The following RAI14 variants were observed in gnomAD, a reference collection of about 807,000 sequenced individuals.
RAI14 encodes ankycorbin.
In RAI14, 45 loss-of-function variants were observed where a neutral mutation model predicts 115.4. The observed-to-expected ratio is 0.39, with a 90% CI of 0.31 to 0.50. RAI14 has a LOEUF of 0.50. Among genes scored for constraint, RAI14 ranks in the 20% least tolerant of loss-of-function variants. The pLI, the probability that RAI14 is intolerant of heterozygous loss-of-function variation, is 0.85. For missense variants in RAI14, 939 were observed against 1,131.2 expected (o/e 0.83, Z 2.44); for synonymous variants, 371 against 415.4 (o/e 0.89, Z 1.30).
At chr5:34,720,293 A>G (rs1248172449) in intron 2 of RAI14, among the ~76,000 whole-genome samples, 1 of 152,108 alleles carries the variant, frequency 6.6e-6, no homozygotes, top group Non-Finnish European at 1.5e-5. Context: ...TAAACCAAAA[A>G]TTTAAGGGAG....
chr5:34,782,794 G>A (rs1175601098), intron 3 of RAI14, among the ~76,000 whole-genome samples: 1 of 152,174 alleles, frequency 6.6e-6, no homozygotes, highest in African/African-American at 2.4e-5. Flanking sequence ...GCTGAACATA[G>A]TGTGGCCATG....
chr5:34,699,243 T>G (rs1739731650), intron 2 of RAI14, among the ~76,000 whole-genome samples: 3 of 152,246 alleles, frequency 2.0e-5, no homozygotes, highest in Admixed American at 2.0e-4. Context: ...AAGTGCTGTA[T>G]GTATTCCCAG....
chr5:34,690,339 G>T (rs372649078), intron 2 of RAI14, among the ~76,000 whole-genome samples: 2 of 152,162 alleles, frequency 1.3e-5, no homozygotes, highest in African/African-American at 4.8e-5. Context: ...TTGTATTTCT[G>T]GGGGGTAGGA....
intron 2 of RAI14, among the ~76,000 whole-genome samples, chr5:34,704,147 T>A (rs896006271): frequency 2.6e-5 from 4 of 152,228 alleles, no homozygotes; most frequent in Non-Finnish European, 5.9e-5. Context: ...GCTCAGTCGT[T>A]GCCAGCCCTC....
At chr5:34,656,797 A>C (rs1742299812) in intron 1 of RAI14, 1 of 153,086 alleles carries the variant, frequency 6.5e-6, no homozygotes, top group Non-Finnish European at 1.5e-5. Context: ...GGCGCGGGGC[A>C]GGGGCCGCGG....
At chr5:34,673,905 G>A (rs1743793575) in intron 1 of RAI14, among the ~76,000 whole-genome samples, 1 of 152,164 alleles carries the variant, frequency 6.6e-6, no homozygotes, top group Non-Finnish European at 1.5e-5. Flanking sequence ...TAGCCCTGAT[G>A]AGGAGACATT....
chr5:34,704,862 A>C (rs1740498819), intron 2 of RAI14, among the ~76,000 whole-genome samples: 2 of 152,242 alleles, frequency 1.3e-5, no homozygotes, highest in South Asian at 4.1e-4. Context: ...GATGGGACAA[A>C]GATGTTAGCT....
intron 2 of RAI14, among the ~76,000 whole-genome samples, chr5:34,722,379 A>C (rs2149998700): frequency 6.6e-6 from 1 of 151,838 alleles, no homozygotes; most frequent in Middle Eastern, 3.4e-3. Context: ...CTGCAAGCCA[A>C]GGCAAGAGGT....
chr5:34,796,485 A>G (rs1459004257), intron 4 of RAI14, among the ~76,000 whole-genome samples: 2 of 152,078 alleles, frequency 1.3e-5, no homozygotes, highest in South Asian at 2.1e-4. Context: ...AGACTCTGAC[A>G]TGGTTTTGTT....
intron 1 of RAI14, among the ~76,000 whole-genome samples, chr5:34,684,318 T>C (rs1363111414): frequency 1.3e-5 from 2 of 152,212 alleles, no homozygotes; most frequent in Non-Finnish European, 2.9e-5. Context: ...TCAGTTTTAA[T>C]AGGACAGGGG....
chr5:34,706,041 G>A (rs139937389), intron 2 of RAI14, among the ~76,000 whole-genome samples: 196 of 152,260 alleles, frequency 1.3e-3, no homozygotes, highest in African/African-American at 4.5e-3. Flanking sequence ...TTTTCCGTAT[G>A]GAGCATCTCA....
intron 10 of RAI14, among the ~76,000 whole-genome samples, chr5:34,812,964 C>T (rs549044601): frequency 5.8e-4 from 89 of 152,176 alleles, no homozygotes; most frequent in Non-Finnish European, 1.0e-3. Context: ...TGGTGTTACA[C>T]AAAGTAGAAA....
At chr5:34,666,620 A>G (rs1170961871) in intron 1 of RAI14, among the ~76,000 whole-genome samples, 2 of 152,194 alleles carry the variant, frequency 1.3e-5, no homozygotes, top group Admixed American at 6.5e-5. Flanking sequence ...TGCTAATATC[A>G]GCATTCACCT....
intron 4 of RAI14, among the ~76,000 whole-genome samples, chr5:34,799,493 G>GAC (rs780186006): frequency 0.072 from 8,970 of 123,814 alleles, 410 homozygotes; most frequent in Non-Finnish European, 0.099. Flanking sequence ...CACACACACA[G>GAC]ACACACACAC....
At chr5:34,757,320 G>A in intron 2 of RAI14, 148 bp from the exon 3 acceptor site, 1 of 894,274 alleles carries the variant, frequency 1.1e-6, no homozygotes, top group Admixed American at 1.8e-5. Context: ...CCATGGTGAA[G>A]GGGAAGGTAT....
At chr5:34,670,902 G>A (rs1251613507) in intron 1 of RAI14, among the ~76,000 whole-genome samples, 2 of 152,158 alleles carry the variant, frequency 1.3e-5, no homozygotes, top group Non-Finnish European at 2.9e-5. Context: ...AACTGAAAAT[G>A]GTAGCTCTTA....
chr5:34,687,055 C>A (rs1295274971), intron 2 of RAI14, 100 bp downstream of exon 2: 42 of 1,289,106 alleles, frequency 3.3e-5, no homozygotes, highest in Non-Finnish European at 2.8e-5. Context: ...GGTTAATAAA[C>A]TACAGACACT....
intron 2 of RAI14, among the ~76,000 whole-genome samples, chr5:34,751,075 TC>T (rs1746948739): frequency 6.6e-6 from 1 of 151,404 alleles, no homozygotes; most frequent in Non-Finnish European, 1.5e-5. Context: ...GGTCTCGAAC[TC>T]CCGAACTCAG....
intron 2 of RAI14, among the ~76,000 whole-genome samples, chr5:34,717,197 CTA>C (rs886203441): frequency 7.9e-5 from 12 of 152,100 alleles, no homozygotes; most frequent in African/African-American, 2.4e-4. Flanking sequence ...CATTTTAAGA[CTA>C]TTTATTTTAA....
Sources: gnomAD v4.1 joint callset for allele counts (sites outside exome capture counted in the v4.1 genomes callset) on GRCh38, gnomAD v4.1.1 for gene constraint, MANE v1.5 for transcripts, NCBI Gene and HGNC (gene_info 2026-07-23, HGNC 2026-07-21) for gene names.